The following MTUS2 variants were observed in gnomAD, a reference collection of about 807,000 sequenced individuals.
MTUS2 encodes the protein microtubule associated scaffold protein 2.
Under a neutral mutation model 114.1 loss-of-function variants are expected in MTUS2, and 40 were observed. The observed-to-expected ratio is 0.35, with a 90% confidence interval of 0.27 to 0.46. The LOEUF (loss-of-function observed/expected upper bound fraction) is 0.46. MTUS2 is among the 20% of genes least tolerant of loss of function. The probability of loss-of-function intolerance (pLI) is 1.00; values close to 1 mark genes in which losing one functional copy is unlikely to be tolerated. For synonymous variants in MTUS2, 688 were observed against 672.0 expected (o/e 1.02, Z -0.37); for missense variants, 1,679 against 1,705.4 (o/e 0.98, Z 0.27).
chr13:29,157,124 C>T (rs763035434), intron 5 of MTUS2, among the ~76,000 whole-genome samples: 2 of 152,164 alleles, frequency 1.3e-5, no homozygotes, highest in African/African-American at 4.8e-5. Context: ...CTGCCATGCT[C>T]GTGGGTATCT....
intron 5 of MTUS2, among the ~76,000 whole-genome samples, chr13:29,216,721 C>T (rs111752379): frequency 6.6e-5 from 10 of 152,278 alleles, no homozygotes; most frequent in African/African-American, 2.2e-4. Flanking sequence ...TGTGATGAAC[C>T]GGGTATTTCA....
Position 29,498,091 on chromosome 13 carries a change from A to T in MTUS2, c.3679-327A>T, listed in dbSNP as rs543078970. 1.3e-4 allele frequency among the ~76,000 whole-genome samples: 20 copies of T among 152,318 alleles called. 1 individual carries two copies. The South Asian group carries it at 4.1e-3, about 32-fold the overall frequency. ...GTCGGCCGGGTGAATGTTAAAAGCC[A>T]GTGTTGGGTTTACTCTTTCTACCCC... On this transcript the variant is annotated intron_variant, in intron 13 of 15. Transcript: ENST00000612955.
At chr13:29,084,617 A>G (rs1449885879) in intron 4 of MTUS2, among the ~76,000 whole-genome samples, 2 of 148,038 alleles carry the variant, frequency 1.4e-5, no homozygotes, top group Non-Finnish European at 3.0e-5. Flanking sequence ...AGCTCACTGC[A>G]ACTTCTGCCT....
intron 5 of MTUS2, among the ~76,000 whole-genome samples, chr13:29,233,358 G>T (rs1896410393): frequency 6.6e-6 from 1 of 152,152 alleles, no homozygotes; most frequent in South Asian, 2.1e-4. Context: ...CACCAGGGGG[G>T]ATGATCACAC....
intron 2 of MTUS2, among the ~76,000 whole-genome samples, chr13:28,971,513 T>C (rs1883854790): frequency 6.6e-6 from 1 of 152,182 alleles, no homozygotes; most frequent in African/African-American, 2.4e-5. Flanking sequence ...AGAAATACTA[T>C]ACCCATTAGG....
intron 2 of MTUS2, among the ~76,000 whole-genome samples, chr13:28,969,782 C>T (rs928360879): frequency 6.7e-6 from 1 of 149,350 alleles, no homozygotes; most frequent in Non-Finnish European, 1.5e-5. Flanking sequence ...GGATTACAGG[C>T]GTGAGCCACT....
intron 6 of MTUS2, among the ~76,000 whole-genome samples, chr13:29,289,488 A>C (rs1324025532): frequency 7.6e-6 from 1 of 131,280 alleles, no homozygotes; most frequent in African/African-American, 2.9e-5. Flanking sequence ...TTTGAGACGG[A>C]GTCTCGCTCT....
intron 2 of MTUS2, among the ~76,000 whole-genome samples, chr13:29,016,424 A>G (rs1056698554): frequency 6.6e-6 from 1 of 152,060 alleles, no homozygotes; most frequent in Non-Finnish European, 1.5e-5. Flanking sequence ...CTTTTGGAGA[A>G]ATATGCAGCA....
intron 4 of MTUS2, among the ~76,000 whole-genome samples, chr13:29,046,256 G>T (rs941643690): frequency 3.5e-5 from 5 of 143,344 alleles, no homozygotes; most frequent in African/African-American, 1.3e-4. Flanking sequence ...GGGACTATAG[G>T]CGTGCACCAC....
In MTUS2 at chr13:29,503,229, G is replaced by A. The variant is rs752254541; in HGVS notation, c.*23G>A. 2 of 1,610,980 alleles carry A rather than the reference G, an allele frequency of 1.2e-6. No homozygotes were observed. The highest frequency in any genetic ancestry group is 1.3e-5 in the African/African-American group (1 of 74,844). The stretch of plus-strand genomic sequence containing the variant: ...TGACGCCACTACACGGCCTGCGGGA[G>A]CTCCGGCTTCTCGTCCTCCGGTCTC... On this transcript the variant is annotated 3_prime_UTR_variant, in exon 16 of 16. Transcript: ENST00000612955.
chr13:29,377,013 A>G (rs1028692656), intron 8 of MTUS2, among the ~76,000 whole-genome samples: 6 of 152,154 alleles, frequency 3.9e-5, no homozygotes, highest in Admixed American at 1.3e-4. Flanking sequence ...GAAGTATCAT[A>G]GAAGAAGAAG....
intron 5 of MTUS2, among the ~76,000 whole-genome samples, chr13:29,139,994 G>A (rs753491364): frequency 1.5e-4 from 23 of 152,230 alleles, no homozygotes; most frequent in Admixed American, 2.6e-4. Flanking sequence ...ATCGAAACAC[G>A]AGGTTGTCTT....
rs546842632 is a variant in MTUS2 at position 28,846,911 on chromosome 13, C to T, written c.-243+7061C>T. ...TATTTCCTTACTGGGCTGTATGCTTCTTCAGTGGTGTAATCCATGTCTTAT... is the reference window on the plus strand; with the variant it reads ...TATTTCCTTACTGGGCTGTATGCTTTTTCAGTGGTGTAATCCATGTCTTAT... On this transcript the variant is annotated intron_variant, in intron 2 of 15. Coordinates refer to ENST00000612955, the MANE Select transcript of MTUS2 (RefSeq NM_001033602.4). Among the ~76,000 whole-genome samples the T allele has an allele frequency of 3.9e-5, 6 of 152,190 alleles. No homozygotes were observed. The South Asian group carries it at 1.2e-3, about 32-fold the overall frequency.
intron 2 of MTUS2, among the ~76,000 whole-genome samples, chr13:28,997,789 C>T (rs1403324836): frequency 2.0e-5 from 3 of 152,022 alleles, no homozygotes; most frequent in Admixed American, 6.6e-5. Context: ...TGTGTCTCTG[C>T]ACGTGAGATG....
At position 29,113,630 on chromosome 13, in the gene MTUS2, C is replaced by T. The variant is rs139764291; in HGVS notation, c.2644+12660C>T. 5.1e-3 allele frequency among the ~76,000 whole-genome samples: 778 copies of T among 152,106 alleles called. 3 individuals are homozygous for T. Among genetic ancestry groups the T allele is most frequent in the Admixed American group, 9.2e-3 (140 of 15,292 alleles). On this transcript the variant is annotated intron_variant, in intron 5 of 15. Transcript: ENST00000612955. Reference sequence around the variant, plus strand: ...GTTGCCATGTGTGGCTAGTAGTTCCCTTATTGGATAGTACAGTTCTAGACT... The same window carrying T: ...GTTGCCATGTGTGGCTAGTAGTTCCTTTATTGGATAGTACAGTTCTAGACT...
chr13:29,401,542 G>A (rs1333912359), intron 8 of MTUS2, among the ~76,000 whole-genome samples: 1 of 152,090 alleles, frequency 6.6e-6, no homozygotes, highest in Non-Finnish European at 1.5e-5. Flanking sequence ...TGCATGACTT[G>A]AGATAGAGGG....
chr13:29,341,007 T>C (rs1441325498), intron 7 of MTUS2, among the ~76,000 whole-genome samples: 1 of 152,220 alleles, frequency 6.6e-6, no homozygotes, highest in Non-Finnish European at 1.5e-5. Context: ...TGATTAGTAT[T>C]TCATAGTACG....
intron 10 of MTUS2, chr13:29,481,999 T>C (rs1239011590): frequency 6.6e-6 from 1 of 152,220 alleles, no homozygotes; most frequent in African/African-American, 2.4e-5. Context: ...TTACTCATTT[T>C]ACGGCCGCTT....
At chr13:28,923,564 A>G (rs1881165504) in intron 2 of MTUS2, among the ~76,000 whole-genome samples, 1 of 152,184 alleles carries the variant, frequency 6.6e-6, no homozygotes, top group African/African-American at 2.4e-5. Context: ...GGGTGGAAGT[A>G]GCTTCCCACA....
Sources: gnomAD v4.1 joint callset for allele counts (sites outside exome capture counted in the v4.1 genomes callset) on GRCh38, gnomAD v4.1.1 for gene constraint, MANE v1.5 for transcripts, NCBI Gene and HGNC (gene_info 2026-07-23, HGNC 2026-07-21) for gene names.